DBP: variants seen among roughly 807,000 people sequenced by gnomAD.
The protein encoded by DBP is D site-binding protein.
A neutral mutation model predicts 21.4 loss-of-function variants in DBP; 12 were observed. The observed-to-expected ratio is 0.56, with a 90% CI of 0.36 to 0.91. The LOEUF (loss-of-function observed/expected upper bound fraction) is 0.91. Ranked by LOEUF, DBP falls within the 40% of genes least tolerant of loss-of-function variation. DBP has a pLI of 0.01. For missense variants in DBP, 423 were observed against 473.4 expected (o/e 0.89, Z 0.99); for synonymous variants, 213 against 224.9 (o/e 0.95, Z 0.47).
intron 2 of DBP, 94 bp downstream of exon 2, chr19:48,635,486 A>C: frequency 2.0e-6 from 3 of 1,480,076 alleles, no homozygotes; most frequent in Non-Finnish European, 2.7e-6. Flanking sequence ...GGCCGCAGCC[A>C]GGTCCCACGG....
Position 48,636,004 on chromosome 19 carries a change from A to C in DBP, c.140-14T>G. The C allele has an allele frequency of 6.7e-7, 1 of 1,500,516 alleles. No homozygotes were observed. The allele number at this position is 1,500,516 out of a possible 1,614,324, so 93.0% of individuals were successfully genotyped here. On this transcript the variant is annotated splice_polypyrimidine_tract_variant and intron_variant, in intron 1 of 3. Transcript: ENST00000222122. ...CCTTCAGGAGACCTGCGGGCCGGGA[A>C]AGACGGGTTGGGATGAGGGTGAGGT...
intron 2 of DBP, chr19:48,635,318 C>T: frequency 7.8e-7 from 1 of 1,278,968 alleles, no homozygotes. Flanking sequence ...TCCCCAAGTC[C>T]CACAGAAAAA....
chr19:48,633,366 G>T, intron 3 of DBP, 78 bp downstream of exon 3: 1 of 1,431,132 alleles, frequency 7.0e-7, no homozygotes, highest in Non-Finnish European at 9.8e-7. Flanking sequence ...GCCCAGGCTT[G>T]ACTGTGAGAA....
In DBP at chr19:48,630,803, G is replaced by A. The variant is rs1284886946; in HGVS notation, c.*34C>T. The A allele has an allele frequency of 6.5e-7, 1 of 1,549,878 alleles. No homozygotes were observed. The highest frequency in any genetic ancestry group is 8.7e-7 in the Non-Finnish European group (1 of 1,143,912). ...AGGGCGTAAGTCTCAGCAAGGCGGA[G>A]GAGAGCTCCGCCAGGTGGGGATGTG... On this transcript the variant is annotated 3_prime_UTR_variant, in exon 4 of 4. Transcript: ENST00000222122. This position sits in a 1 kb window ranked among gnomAD's most constrained non-coding sequence, Gnocchi z 4.9.
At position 48,635,752 on chromosome 19, in the gene DBP, G is replaced by C; in HGVS notation, c.378C>G (p.His126Gln). 1 of 1,385,404 alleles carries C rather than the reference G, an allele frequency of 7.2e-7. No individual in the cohort carries two copies. The highest frequency in any genetic ancestry group is 2.1e-4 in the Middle Eastern group (1 of 4,868). 85.8% of individuals were successfully genotyped at this position (1,385,404 alleles called of 1,614,324 possible). ...GGGGCGGCGGGCTGGGCGGGAGCCCGTGCTCCAGCAGGAAGGCGTCCAGGT... is the reference window on the plus strand; with the variant it reads ...GGGGCGGCGGGCTGGGCGGGAGCCCCTGCTCCAGCAGGAAGGCGTCCAGGT... ...YVDLDAFLLE[H>Q]GLPPSPPPPG... The change falls in exon 2 of 4, where the codon CAC becomes CAG. Residue 126 changes from histidine to glutamine, a missense_variant. Physicochemically the swap from His to Gln is conservative, Grantham distance 24 (BLOSUM62 0). Coordinates refer to ENST00000222122, the MANE Select transcript of DBP (RefSeq NM_001352.5).
intron 2 of DBP, chr19:48,635,201 AG>A: frequency 9.0e-7 from 1 of 1,108,994 alleles, no homozygotes; most frequent in South Asian, 1.9e-5. Context: ...GTCCTATCCC[AG>A]TTCCATCGAT....
chr19:48,630,384 G>A lies in DBP; in HGVS notation c.*453C>T. The A allele has an allele frequency of 7.3e-7, 1 of 1,376,176 alleles. No homozygotes were observed. Among genetic ancestry groups the A allele is most frequent in the East Asian group, 2.8e-5 (1 of 36,168 alleles). The allele number at this position is 1,376,176 out of a possible 1,614,324, so 85.2% of individuals were successfully genotyped here. A position where few individuals can be genotyped will look rare whatever the true frequency, so the allele number is the denominator to read the frequency against. On this transcript the variant is annotated 3_prime_UTR_variant, in exon 4 of 4. Coordinates refer to ENST00000222122, the MANE Select transcript of DBP (RefSeq NM_001352.5). The surrounding 1 kb of genome is among the most constrained non-coding windows in gnomAD (Gnocchi z 4.9). Reference sequence around the variant, plus strand: ...CAATTGAAAAGGTCTATGCAATAAAGGCAGTCGCTTCATTCCTCTCAGACC... The same window carrying A: ...CAATTGAAAAGGTCTATGCAATAAAAGCAGTCGCTTCATTCCTCTCAGACC...
Position 48,630,693 on chromosome 19 carries a change from A to G in DBP, c.*144T>C. 2 of 1,415,536 alleles carry G rather than the reference A, an allele frequency of 1.4e-6. No individual in the cohort carries two copies. Among genetic ancestry groups the G allele is most frequent in the Non-Finnish European group, 9.3e-7 (1 of 1,073,956 alleles). 87.7% of individuals were successfully genotyped at this position (1,415,536 alleles called of 1,614,324 possible). On this transcript the variant is annotated 3_prime_UTR_variant, in exon 4 of 4. Transcript: ENST00000222122. This position sits in a 1 kb window ranked among gnomAD's most constrained non-coding sequence, Gnocchi z 4.9. ...GGAGGGGGGAGGCTCGCTTTTTCTT[A>G]AAAATATAAATGTATTTATCTGCAT...
In DBP at chr19:48,633,426, AC is replaced by A; in HGVS notation, c.762+17del. 6.2e-7 allele frequency: 1 copy of A among 1,613,310 alleles called. No individual in the cohort carries two copies. Among genetic ancestry groups the A allele is most frequent in the East Asian group, 2.2e-5 (1 of 44,890 alleles). On this transcript the variant is annotated intron_variant, in intron 3 of 3. Coordinates refer to ENST00000222122, the MANE Select transcript of DBP (RefSeq NM_001352.5). Reference sequence around the variant, plus strand: ...ATGTCTCCAGCCAAGTCTATCTCCCACATCCAGCTCTGCTCACCTTCTGCTC... The same window carrying A: ...ATGTCTCCAGCCAAGTCTATCTCCCAATCCAGCTCTGCTCACCTTCTGCTC...
rs1485942168 is a variant in DBP at position 48,630,076 on chromosome 19, G to A, written c.*761C>T. The A allele has an allele frequency of 1.6e-6, 2 of 1,280,748 alleles. No homozygotes were observed. Among genetic ancestry groups the A allele is most frequent in the Non-Finnish European group, 2.0e-6 (2 of 1,013,934 alleles). The allele number at this position is 1,280,748 out of a possible 1,614,324, so 79.3% of individuals were successfully genotyped here. A position where few individuals can be genotyped will look rare whatever the true frequency, so the allele number is the denominator to read the frequency against. The stretch of plus-strand genomic sequence containing the variant: ...TGACGCTTGCCACCTGCTCCTACCC[G>A]GCCAGGATGGCTGAGGGCGGAGTCT... On this transcript the variant is annotated 3_prime_UTR_variant, in exon 4 of 4. Coordinates refer to ENST00000222122, the MANE Select transcript of DBP (RefSeq NM_001352.5). The surrounding 1 kb of genome is among the most constrained non-coding windows in gnomAD (Gnocchi z 4.9).
At chr19:48,635,172 A>G (rs1444103786) in intron 2 of DBP, 10 of 1,030,412 alleles carry the variant, frequency 9.7e-6, no homozygotes, top group African/African-American at 1.7e-5. Flanking sequence ...TTGCCCCTGT[A>G]AAGGACCTAG....
chr19:48,630,686 T>C lies in DBP; in HGVS notation c.*151A>G. ...CCGCAAGGGAGGGGGGAGGCTCGCT[T>C]TTTCTTAAAAATATAAATGTATTTA... On this transcript the variant is annotated 3_prime_UTR_variant, in exon 4 of 4. Coordinates refer to ENST00000222122, the MANE Select transcript of DBP (RefSeq NM_001352.5). The surrounding 1 kb of genome is among the most constrained non-coding windows in gnomAD (Gnocchi z 4.9). 7.0e-7 allele frequency: 1 copy of C among 1,424,956 alleles called. No homozygotes were observed. Among genetic ancestry groups the C allele is most frequent in the Non-Finnish European group, 9.2e-7 (1 of 1,082,128 alleles). 88.3% of individuals were successfully genotyped at this position (1,424,956 alleles called of 1,614,324 possible).
chr19:48,636,136 AC>A (rs1257024540), intron 1 of DBP, 146 bp from the exon 2 acceptor site: 1 of 745,118 alleles, frequency 1.3e-6, no homozygotes, highest in Non-Finnish European at 2.0e-6. Context: ...AGAAAAAGGG[AC>A]GGAGACGCAG....
In DBP at chr19:48,635,827, C is replaced by G; in HGVS notation, c.303G>C (p.Ala101=). The G allele has an allele frequency of 7.0e-7, 1 of 1,425,884 alleles. No homozygotes were observed. Among genetic ancestry groups the G allele is most frequent in the African/African-American group, 1.5e-5 (1 of 66,484 alleles). The allele number at this position is 1,425,884 out of a possible 1,614,324, so 88.3% of individuals were successfully genotyped here. A position where few individuals can be genotyped will look rare whatever the true frequency, so the allele number is the denominator to read the frequency against. The change falls in exon 2 of 4, where the codon GCG becomes GCC. Residue 101 remains alanine, a synonymous_variant. Transcript: ENST00000222122. ...PGPVPAPGLL[A]PLLWERTLPF... The stretch of plus-strand genomic sequence containing the variant: ...GCAGCGTGCGCTCCCACAGCAGTGG[C>G]GCCAACAGACCCGGGGCGGGCACCG...
intron 3 of DBP, chr19:48,632,636 CA>C (rs888015872): frequency 5.3e-5 from 8 of 152,236 alleles, no homozygotes; most frequent in Non-Finnish European, 1.0e-4. Context: ...TGGCAAAAAA[CA>C]AAATCATGCA....
At position 48,634,595 on chromosome 19, in the gene DBP, C is replaced by G. The variant is rs2030712848; in HGVS notation, c.551-940G>C. On this transcript the variant is annotated intron_variant, in intron 2 of 3. Coordinates refer to ENST00000222122, the MANE Select transcript of DBP (RefSeq NM_001352.5). ...ACGCCTGCTTCCCTCCTCCTCCCTT[C>G]CTCCCAGGCCCCCGCCATCGGCGCC... 3 of 707,776 alleles carry G rather than the reference C, an allele frequency of 4.2e-6. No individual in the cohort carries two copies. The South Asian group carries it at 1.9e-4, about 45-fold the overall frequency. 43.8% of individuals were successfully genotyped at this position (707,776 alleles called of 1,614,324 possible). A position where few individuals can be genotyped will look rare whatever the true frequency, so the allele number is the denominator to read the frequency against.
In DBP at chr19:48,635,569, C is replaced by T. The variant is rs967382623; in HGVS notation, c.550+11G>A. ...GCCCCGTCAGGACCCGCCCCGCCCC[C>T]TTCGCCGCACCTGCGCGGTGGCCGC... On this transcript the variant is annotated intron_variant, in intron 2 of 3. Coordinates refer to ENST00000222122, the MANE Select transcript of DBP (RefSeq NM_001352.5). The T allele has an allele frequency of 7.2e-7, 1 of 1,393,808 alleles. No homozygotes were observed. Among genetic ancestry groups the T allele is most frequent in the East Asian group, 3.1e-5 (1 of 31,764 alleles). 86.3% of individuals were successfully genotyped at this position (1,393,808 alleles called of 1,614,324 possible).
intron 2 of DBP, chr19:48,635,068 G>A (rs751145306): frequency 7.1e-6 from 7 of 986,692 alleles, no homozygotes; most frequent in Non-Finnish European, 8.4e-6. Flanking sequence ...TCTGGGACCC[G>A]GGGCTGCAGC....
In DBP at chr19:48,630,834, G is replaced by A. The variant is rs1202051469; in HGVS notation, c.*3C>T. On this transcript the variant is annotated 3_prime_UTR_variant, in exon 4 of 4. Transcript: ENST00000222122. The surrounding 1 kb of genome is among the most constrained non-coding windows in gnomAD (Gnocchi z 4.9). ...CTCCGCCAGGTGGGGATGTGGGGCA[G>A]CCTCACAGGGCCCCGTGCTGGGCCT... 6.3e-7 allele frequency: 1 copy of A among 1,582,092 alleles called. No homozygotes were observed. The highest frequency in any genetic ancestry group is 8.6e-7 in the Non-Finnish European group (1 of 1,162,358).
Sources: allele counts gnomAD v4.1 joint callset, GRCh38; gene constraint gnomAD v4.1.1; non-coding constraint Gnocchi (gnomAD v3.1); transcripts MANE v1.5; gene names NCBI Gene and HGNC (gene_info 2026-07-23, HGNC 2026-07-21).